The following CALD1 variants were observed in gnomAD, a reference collection of about 807,000 sequenced individuals.
CALD1 encodes the protein caldesmon 1, also known as caldesmon.
CALD1 carries 33 observed loss-of-function variants against 99.9 expected under a neutral mutation model. The observed-to-expected ratio is 0.33, with a 90% CI of 0.25 to 0.44. The LOEUF (loss-of-function observed/expected upper bound fraction) is 0.44, where lower values mean the gene tolerates loss of function less well. CALD1 is among the 20% of genes least tolerant of loss of function. The pLI, the probability that CALD1 is intolerant of heterozygous loss-of-function variation, is 1.00. For synonymous variants in CALD1, 310 were observed against 325.0 expected (o/e 0.95, Z 0.50); for missense variants, 861 against 962.1 (o/e 0.89, Z 1.39).
the CALD1 span, among the ~76,000 whole-genome samples, chr7:134,731,700 G>A: frequency 6.6e-6 from 1 of 150,824 alleles, no homozygotes; most frequent in Admixed American, 6.6e-5. Flanking sequence ...CTAAGAATCT[G>A]CTATTGACCT....
intron 3 of CALD1, among the ~76,000 whole-genome samples, chr7:134,869,630 T>C (rs1043936099): frequency 1.3e-5 from 2 of 152,194 alleles, no homozygotes; most frequent in African/African-American, 2.4e-5. Context: ...AAATGGAGGA[T>C]TTCCTTCTTG....
At chr7:134,728,003 A>G in the CALD1 span, among the ~76,000 whole-genome samples, 3 of 152,136 alleles carry the variant, frequency 2.0e-5, no homozygotes, top group East Asian at 1.9e-4. Context: ...TGAACTTCCT[A>G]TTTTTGGTGA....
intron 1 of CALD1, among the ~76,000 whole-genome samples, chr7:134,757,014 C>T (rs1433964367): frequency 1.3e-5 from 2 of 152,052 alleles, no homozygotes; most frequent in South Asian, 2.1e-4. Flanking sequence ...AGCTGTTTTG[C>T]TCTTGCTGTT....
intron 1 of CALD1, among the ~76,000 whole-genome samples, chr7:134,791,259 C>A (rs986859613): frequency 6.6e-6 from 1 of 152,178 alleles, no homozygotes; most frequent in Non-Finnish European, 1.5e-5. Context: ...TGCAGTGGCA[C>A]GATCTCGGCT....
intron 1 of CALD1, among the ~76,000 whole-genome samples, chr7:134,820,258 GA>G (rs1798721490): frequency 1.3e-5 from 2 of 152,158 alleles, no homozygotes; most frequent in Non-Finnish European, 1.5e-5. Flanking sequence ...CGTATAGATG[GA>G]CAATGACCTA....
intron 3 of CALD1, among the ~76,000 whole-genome samples, chr7:134,869,358 TAAC>T (rs995256734): frequency 4.6e-5 from 7 of 152,212 alleles, no homozygotes; most frequent in Admixed American, 4.6e-4. Context: ...GACAGAGACT[TAAC>T]AAGGGAGTTA....
At chr7:134,747,539 T>C (rs1209200537) in intron 1 of CALD1, among the ~76,000 whole-genome samples, 3 of 152,238 alleles carry the variant, frequency 2.0e-5, no homozygotes, top group Admixed American at 6.5e-5. Context: ...TCAGAAAGCA[T>C]TGTGGAGATC....
intron 1 of CALD1, among the ~76,000 whole-genome samples, chr7:134,834,440 AGTT>A (rs1305903725): frequency 6.6e-6 from 1 of 152,250 alleles, no homozygotes; most frequent in African/African-American, 2.4e-5. Context: ...AAATGGACTT[AGTT>A]GTTAACTAAT....
chr7:134,763,702 G>A (rs1585902310), intron 1 of CALD1, among the ~76,000 whole-genome samples: 1 of 152,108 alleles, frequency 6.6e-6, no homozygotes. Context: ...GGTGGATCAC[G>A]AGGTCAGGAG....
upstream of CALD1, among the ~76,000 whole-genome samples, chr7:134,741,649 C>T (rs960815338): frequency 2.6e-5 from 4 of 152,116 alleles, no homozygotes; most frequent in Non-Finnish European, 5.9e-5. Flanking sequence ...GATATAGATC[C>T]ATGAGGTTTT....
At chr7:134,948,429 C>T (rs1332415102) in intron 8 of CALD1, among the ~76,000 whole-genome samples, 2 of 152,004 alleles carry the variant, frequency 1.3e-5, no homozygotes, top group Admixed American at 6.6e-5. Context: ...AACATTTTGG[C>T]TCAGCATATG....
chr7:134,898,070 G>A (rs745409200), intron 3 of CALD1, among the ~76,000 whole-genome samples: 8 of 152,148 alleles, frequency 5.3e-5, no homozygotes, highest in East Asian at 1.9e-4. Flanking sequence ...GATTACAGGC[G>A]CCCGCCACCA....
At chr7:134,898,417 A>C (rs1802736029) in intron 3 of CALD1, among the ~76,000 whole-genome samples, 1 of 152,092 alleles carries the variant, frequency 6.6e-6, no homozygotes, top group African/African-American at 2.4e-5. Flanking sequence ...AGATCTGGGA[A>C]AGGATTCTTG....
At chr7:134,758,043 C>T (rs1021623882) in intron 1 of CALD1, among the ~76,000 whole-genome samples, 1 of 152,310 alleles carries the variant, frequency 6.6e-6, no homozygotes, top group African/African-American at 2.4e-5. Flanking sequence ...CAGCTGAGCA[C>T]AGGGACTCTG....
At chr7:134,801,261 C>T (rs1029577035) in intron 1 of CALD1, among the ~76,000 whole-genome samples, 1 of 152,084 alleles carries the variant, frequency 6.6e-6, no homozygotes, top group African/African-American at 2.4e-5. Flanking sequence ...CAAAACTATC[C>T]GTGTTCATCC....
rs112942394 is a variant in CALD1, at chr7:134,771,518, C to T, written c.-130+27155C>T. On this transcript the variant is annotated intron_variant, in intron 1 of 13. Transcript: ENST00000417172. ...AAATGCTCTCTCAGCTCCCAAGCAC[C>T]GCTGCCCTAGCCCACAACAGCACCT... 2.9e-3 allele frequency among the ~76,000 whole-genome samples: 443 copies of T among 152,286 alleles called. 1 individual carries two copies. Among genetic ancestry groups the T allele is most frequent in the Middle Eastern group, 0.01 (3 of 294 alleles).
intron 2 of CALD1, among the ~76,000 whole-genome samples, chr7:134,860,580 T>C (rs1294539141): frequency 6.6e-6 from 1 of 152,230 alleles, no homozygotes; most frequent in East Asian, 1.9e-4. Context: ...GTGGCTCAAA[T>C]TGGCTACAAT....
chr7:134,922,071 T>C (rs959684130), intron 3 of CALD1, among the ~76,000 whole-genome samples: 1 of 152,200 alleles, frequency 6.6e-6, no homozygotes, highest in Non-Finnish European at 1.5e-5. Flanking sequence ...AAAATAACTA[T>C]ATTATATATC....
chr7:134,958,559 C>A (rs893769972), intron 11 of CALD1, among the ~76,000 whole-genome samples: 1 of 151,906 alleles, frequency 6.6e-6, no homozygotes, highest in East Asian at 1.9e-4. Context: ...GGGCCCACCA[C>A]CACACTTGGC....
Sources: allele counts gnomAD v4.1 joint callset (sites outside exome capture counted in the v4.1 genomes callset), GRCh38; gene constraint gnomAD v4.1.1; transcripts MANE v1.5; gene names NCBI Gene and HGNC (gene_info 2026-07-23, HGNC 2026-07-21).